Variants in SLC24A2 observed in about 807,000 individuals in gnomAD.
The protein encoded by SLC24A2 is sodium/potassium/calcium exchanger 2.
Under a neutral mutation model 62.0 loss-of-function variants are expected in SLC24A2, and 36 were observed. The observed-to-expected ratio is 0.58, with a 90% CI of 0.44 to 0.77. The LOEUF (loss-of-function observed/expected upper bound fraction) is 0.77. SLC24A2 is among the 30% of genes least tolerant of loss of function. The probability of loss-of-function intolerance (pLI) is 0.00; values close to 1 mark genes in which losing one functional copy is unlikely to be tolerated. For synonymous variants in SLC24A2, 358 were observed against 294.0 expected, an observed-to-expected ratio of 1.22 and a Z score of -2.23; for missense variants, 846 against 817.9, an observed-to-expected ratio of 1.03 and a Z score of -0.42.
chr9:20,195,216 T>C, the SLC24A2 span, among the ~76,000 whole-genome samples: 2 of 152,180 alleles, frequency 1.3e-5, no homozygotes, highest in African/African-American at 4.8e-5. Flanking sequence ...GGGGAAATTA[T>C]AAACAATGCT....
the SLC24A2 span, among the ~76,000 whole-genome samples, chr9:20,167,586 C>T: frequency 1.3e-5 from 2 of 151,984 alleles, no homozygotes; most frequent in Non-Finnish European, 2.9e-5. Context: ...ATACCATTCC[C>T]CAGTAAAGGA....
chr9:20,167,312 T>A, the SLC24A2 span, among the ~76,000 whole-genome samples: 2,167 of 152,082 alleles, frequency 0.014, 70 homozygotes, highest in African/African-American at 0.049. Context: ...TCTGAAAAAA[T>A]TTTTTGTGTC....
At chr9:20,012,433 C>A in the SLC24A2 span, among the ~76,000 whole-genome samples, 1 of 152,112 alleles carries the variant, frequency 6.6e-6, no homozygotes, top group African/African-American at 2.4e-5. Context: ...GGGTCCCTCC[C>A]GCAACATGTG....
chr9:20,248,226 G>T, the SLC24A2 span, among the ~76,000 whole-genome samples: 18 of 152,330 alleles, frequency 1.2e-4, no homozygotes, highest in Admixed American at 6.5e-4. Flanking sequence ...GAACCCGTAT[G>T]GGAGCTCCCA....
intron 4 of SLC24A2, among the ~76,000 whole-genome samples, chr9:19,611,011 G>A (rs1405498619): frequency 6.6e-6 from 1 of 152,220 alleles, no homozygotes; most frequent in African/African-American, 2.4e-5. Context: ...CAAGTGTTAA[G>A]GAGAATGCAG....
At chr9:19,802,504 G>T in the SLC24A2 span, among the ~76,000 whole-genome samples, 1 of 152,158 alleles carries the variant, frequency 6.6e-6, no homozygotes, top group Non-Finnish European at 1.5e-5. Context: ...TGGTAACATG[G>T]AGAAGAAATG....
chr9:20,100,068 G>C, the SLC24A2 span, among the ~76,000 whole-genome samples: 128 of 152,022 alleles, frequency 8.4e-4, no homozygotes, highest in African/African-American at 2.7e-3. Context: ...ACCCAGGCTG[G>C]AGTGCAGTGG....
chr9:19,625,598 A>T (rs560689581), intron 2 of SLC24A2, among the ~76,000 whole-genome samples: 27 of 152,270 alleles, frequency 1.8e-4, no homozygotes, highest in African/African-American at 6.5e-4. Flanking sequence ...CAAATTAGTC[A>T]TATGGTGACT....
At chr9:19,896,799 A>G in the SLC24A2 span, among the ~76,000 whole-genome samples, 2 of 152,204 alleles carry the variant, frequency 1.3e-5, no homozygotes, top group African/African-American at 4.8e-5. Context: ...CTTTGTCTAT[A>G]AAAGGGGAAC....
At chr9:19,818,829 C>A in the SLC24A2 span, among the ~76,000 whole-genome samples, 1 of 152,204 alleles carries the variant, frequency 6.6e-6, no homozygotes, top group South Asian at 2.1e-4. Flanking sequence ...TCATTCTTCA[C>A]AGAATTAGAA....
At position 19,550,338 on chromosome 9, in the gene SLC24A2, C is replaced by T. The variant is rs549553230; in HGVS notation, c.1348-70G>A. 5.3e-6 allele frequency: 8 copies of T among 1,515,524 alleles called. No homozygotes were observed. In the South Asian group the frequency reaches 9.0e-5, roughly 17 times the overall value. The allele number at this position is 1,515,524 out of a possible 1,614,324, so 93.9% of individuals were successfully genotyped here. A position where few individuals can be genotyped will look rare whatever the true frequency, so the allele number is the denominator to read the frequency against. ...ATGTACACAGGCACAACAACAGGAG[C>T]ACAGAACAAAGGGGAAGCTCCATGT... On this transcript the variant is annotated intron_variant, in intron 7 of 10. Transcript: ENST00000341998.
chr9:19,826,200 A>T, the SLC24A2 span, among the ~76,000 whole-genome samples: 1 of 151,898 alleles, frequency 6.6e-6, no homozygotes. Flanking sequence ...AAGGCTCAGC[A>T]AACACTTCAT....
intron 2 of SLC24A2, among the ~76,000 whole-genome samples, chr9:19,753,836 G>T (rs1393352432): frequency 6.6e-6 from 1 of 152,102 alleles, no homozygotes; most frequent in Non-Finnish European, 1.5e-5. Context: ...AGTTCCTTCA[G>T]ATTTCTCTCT....
chr9:19,625,686 C>A (rs1324424055), intron 2 of SLC24A2, among the ~76,000 whole-genome samples: 1 of 93,202 alleles, frequency 1.1e-5, no homozygotes, highest in Non-Finnish European at 2.4e-5. Flanking sequence ...CCTTTTTTTT[C>A]TTTTCTTTTT....
chr9:19,818,463 C>A, the SLC24A2 span, among the ~76,000 whole-genome samples: 1 of 152,098 alleles, frequency 6.6e-6, no homozygotes, highest in East Asian at 1.9e-4. Context: ...CCTAAAGACT[C>A]CCCCAGAAAG....
chr9:19,537,046 G>T (rs1301415585), intron 8 of SLC24A2, among the ~76,000 whole-genome samples: 1 of 149,656 alleles, frequency 6.7e-6, no homozygotes, highest in Non-Finnish European at 1.5e-5. Context: ...TTTTGATGGG[G>T]TTGTTTGTTT....
intron 2 of SLC24A2, among the ~76,000 whole-genome samples, chr9:19,678,855 G>C (rs1341229029): frequency 2.6e-5 from 4 of 152,148 alleles, no homozygotes; most frequent in Admixed American, 2.6e-4. Context: ...TGCTAGGTGG[G>C]ATAAAAAAAT....
intron 5 of SLC24A2, among the ~76,000 whole-genome samples, chr9:19,596,945 T>G (rs928648501): frequency 6.6e-6 from 1 of 152,196 alleles, no homozygotes; most frequent in Non-Finnish European, 1.5e-5. Flanking sequence ...ACTGGCGCAG[T>G]GGGTATTTGT....
At position 19,625,022 on chromosome 9, in the gene SLC24A2, T is replaced by C. The variant is rs548687846; in HGVS notation, c.931-2723A>G. ...AAATGATTTTAATGTGTATAGCCAGTGGGTTTTGGGTTGGCCTAGTGTTGT... is the reference window on the plus strand; with the variant it reads ...AAATGATTTTAATGTGTATAGCCAGCGGGTTTTGGGTTGGCCTAGTGTTGT... On this transcript the variant is annotated intron_variant, in intron 2 of 10. Transcript: ENST00000341998. 3.0e-3 allele frequency among the ~76,000 whole-genome samples: 452 copies of C among 152,276 alleles called. 2 individuals are homozygous for C. Among genetic ancestry groups the C allele is most frequent in the Non-Finnish European group, 4.5e-3 (309 of 68,008 alleles).
Sources: allele counts gnomAD v4.1 joint callset (sites outside exome capture counted in the v4.1 genomes callset), GRCh38; gene constraint gnomAD v4.1.1; transcripts MANE v1.5; gene names NCBI Gene and HGNC (gene_info 2026-07-23, HGNC 2026-07-21).